FYB1: variants seen among roughly 807,000 people sequenced by gnomAD.
FYB1 encodes the protein FYN binding protein 1, also known as FYN-binding protein 1.
A neutral mutation model predicts 94.1 loss-of-function variants in FYB1; 41 were observed. That is an observed-to-expected ratio of 0.44 (90% CI 0.34 to 0.57). The LOEUF is 0.57. Among genes scored for constraint, FYB1 ranks in the 20% least tolerant of loss-of-function variants. The pLI is 0.02. For missense variants in FYB1, 1,050 were observed against 976.8 expected, an observed-to-expected ratio of 1.07 and a Z score of -1.00; for synonymous variants, 367 against 353.2, an observed-to-expected ratio of 1.04 and a Z score of -0.44.
At chr5:39,181,010 G>A (rs1040960685) in intron 2 of FYB1, among the ~76,000 whole-genome samples, 3 of 152,306 alleles carry the variant, frequency 2.0e-5, no homozygotes, top group Non-Finnish European at 4.4e-5. Context: ...ACCAATGCTT[G>A]CCAAGCACAC....
intron 2 of FYB1, among the ~76,000 whole-genome samples, chr5:39,167,544 A>C (rs948114049): frequency 5.3e-5 from 8 of 152,202 alleles, no homozygotes; most frequent in Admixed American, 2.0e-4. Flanking sequence ...TGTGCTGCCT[A>C]TTCTGGGCCT....
chr5:39,274,434 C>T (rs1422586900), exon 1 of FYB1: 2 of 152,220 alleles, frequency 1.3e-5, no homozygotes, highest in Admixed American at 6.5e-5. Context: ...GCTGCTAGCT[C>T]ACTGATCTCC....
chr5:39,163,863 A>G (rs1744483399), intron 2 of FYB1, among the ~76,000 whole-genome samples: 1 of 152,080 alleles, frequency 6.6e-6, no homozygotes, highest in Non-Finnish European at 1.5e-5. Flanking sequence ...TATTCTTCAA[A>G]TATGAAAAGT....
chr5:39,109,897 T>C (rs1272110858), intron 17 of FYB1, among the ~76,000 whole-genome samples: 1 of 152,150 alleles, frequency 6.6e-6, no homozygotes, highest in African/African-American at 2.4e-5. Context: ...TACTCTACTA[T>C]GCCTAGTGTG....
intron 3 of FYB1, among the ~76,000 whole-genome samples, chr5:39,151,294 A>G (rs184746375): frequency 2.0e-5 from 3 of 152,086 alleles, no homozygotes; most frequent in Admixed American, 2.0e-4. Flanking sequence ...CCTGTTTATT[A>G]TTTATTTATT....
At chr5:39,271,359 T>C (rs1752658907) in intron 1 of FYB1, among the ~76,000 whole-genome samples, 1 of 152,246 alleles carries the variant, frequency 6.6e-6, no homozygotes, top group Non-Finnish European at 1.5e-5. Flanking sequence ...ATCATCCATG[T>C]ACCTCTCTGA....
rs553758344 is a variant in FYB1 at position 39,211,588 on chromosome 5, C to G, written c.-28+7855G>C. ...CCTCCCAAAGTGCTGGGATTATAAG[C>G]GTGAGCCACTGCGCCCGGCCTATTT... On this transcript the variant is annotated intron_variant, in intron 1 of 18. Transcript: ENST00000512982. Among the ~76,000 whole-genome samples, 31 of 152,214 alleles carry G rather than the reference C, an allele frequency of 2.0e-4. No homozygotes were observed. In the South Asian group the frequency reaches 6.4e-3, roughly 32 times the overall value.
intron 2 of FYB1, among the ~76,000 whole-genome samples, chr5:39,188,231 C>T (rs186440965): frequency 6.6e-6 from 1 of 152,140 alleles, no homozygotes; most frequent in African/African-American, 2.4e-5. Flanking sequence ...GTGGTCAGAG[C>T]TATGCCATGG....
At position 39,117,340 on chromosome 5, in the gene FYB1, G is replaced by A. The variant is rs534219894; in HGVS notation, c.2401+1534C>T. Among the ~76,000 whole-genome samples, 25 of 152,054 alleles carry A rather than the reference G, an allele frequency of 1.6e-4. No individual in the cohort carries two copies. The South Asian group carries it at 1.9e-3, about 11-fold the overall frequency. Reference sequence around the variant, plus strand: ...GAACATTCAATTGGGTGTATTCATCGTAACATTTAATAATTTAAAAATCTT... The same window carrying A: ...GAACATTCAATTGGGTGTATTCATCATAACATTTAATAATTTAAAAATCTT... On this transcript the variant is annotated intron_variant, in intron 16 of 18. Transcript: ENST00000512982.
intron 14 of FYB1, among the ~76,000 whole-genome samples, chr5:39,121,584 T>A (rs1338007043): frequency 6.6e-6 from 1 of 152,172 alleles, no homozygotes; most frequent in Non-Finnish European, 1.5e-5. Context: ...CTTTCTTTTC[T>A]CTTGAAAAAG....
intron 2 of FYB1, among the ~76,000 whole-genome samples, chr5:39,171,183 G>T (rs1344025244): frequency 1.3e-5 from 2 of 151,914 alleles, no homozygotes; most frequent in African/African-American, 2.4e-5. Flanking sequence ...CCAGCTACTC[G>T]GGAGGCTGAG....
chr5:39,123,964 G>C (rs1354553187), intron 13 of FYB1, among the ~76,000 whole-genome samples: 1 of 152,098 alleles, frequency 6.6e-6, no homozygotes, highest in Non-Finnish European at 1.5e-5. Flanking sequence ...CTGAATTGAG[G>C]CTGGGGGATA....
chr5:39,164,219 G>A (rs550700666), intron 2 of FYB1, among the ~76,000 whole-genome samples: 15 of 152,268 alleles, frequency 9.9e-5, no homozygotes, highest in East Asian at 3.9e-4. Flanking sequence ...CTGGGAGCAC[G>A]TGACCATGGT....
In FYB1 at chr5:39,119,395, A is replaced by G. The variant is rs1580310744; in HGVS notation, c.2238+140T>C. On this transcript the variant is annotated intron_variant, in intron 15 of 18. Transcript: ENST00000512982. ...AAGAGTTATAACGGCTAACTGTAAT[A>G]TTGATAATTACACTTTAAAGTGTGC... 4.1e-5 allele frequency: 23 copies of G among 558,564 alleles called. No individual in the cohort carries two copies. The South Asian group carries it at 7.7e-4, about 19-fold the overall frequency. 34.6% of individuals were successfully genotyped at this position (558,564 alleles called of 1,614,324 possible). A position where few individuals can be genotyped will look rare whatever the true frequency, so the allele number is the denominator to read the frequency against.
At chr5:39,219,205 C>T (rs1340022520) in intron 1 of FYB1, among the ~76,000 whole-genome samples, 1 of 152,174 alleles carries the variant, frequency 6.6e-6, no homozygotes, top group Non-Finnish European at 1.5e-5. Context: ...TACGAAAGAG[C>T]AAGTGACAGA....
chr5:39,111,269 T>C (rs1320683323), intron 16 of FYB1, among the ~76,000 whole-genome samples: 1 of 152,024 alleles, frequency 6.6e-6, no homozygotes, highest in Non-Finnish European at 1.5e-5. Context: ...ATGCTTGAGA[T>C]TAGTACCATT....
At chr5:39,155,026 A>G (rs1743620264) in intron 2 of FYB1, among the ~76,000 whole-genome samples, 1 of 152,232 alleles carries the variant, frequency 6.6e-6, no homozygotes, top group South Asian at 2.1e-4. Context: ...GAATGTAATT[A>G]GGCTGCTTTG....
chr5:39,164,388 T>G (rs1293284614), intron 2 of FYB1, among the ~76,000 whole-genome samples: 1 of 152,204 alleles, frequency 6.6e-6, no homozygotes, highest in Non-Finnish European at 1.5e-5. Context: ...CAAAAAACTC[T>G]GCACACCCAA....
chr5:39,202,997 T>G lies in FYB1; in HGVS notation c.-27-10A>C, dbSNP rs1467963266. On this transcript the variant is annotated splice_polypyrimidine_tract_variant and intron_variant, in intron 1 of 18. Transcript: ENST00000512982. ...CATCTGCCTTTCCATCCTACAAACATAGGGAACAAAAAATAGCTGAGAGAC... is the reference window on the plus strand; with the variant it reads ...CATCTGCCTTTCCATCCTACAAACAGAGGGAACAAAAAATAGCTGAGAGAC... The G allele has an allele frequency of 6.2e-7, 1 of 1,609,706 alleles. No individual in the cohort carries two copies. Among genetic ancestry groups the G allele is most frequent in the South Asian group, 1.1e-5 (1 of 90,910 alleles).
Sources: allele counts gnomAD v4.1 joint callset (sites outside exome capture counted in the v4.1 genomes callset), GRCh38; gene constraint gnomAD v4.1.1; transcripts MANE v1.5; gene names NCBI Gene and HGNC (gene_info 2026-07-23, HGNC 2026-07-21).